DDHD1: variants seen among roughly 807,000 people sequenced by gnomAD.
The protein encoded by DDHD1 is DDHD domain containing 1.
In DDHD1, 49 loss-of-function variants were observed where a neutral mutation model predicts 96.4. The ratio of observed to expected loss-of-function variants is 0.51; its 90% CI spans 0.40 to 0.64. The LOEUF (loss-of-function observed/expected upper bound fraction) is 0.64, where lower values mean the gene tolerates loss of function less well. Among genes scored for constraint, DDHD1 ranks in the 30% least tolerant of loss-of-function variants. The pLI is 0.00. For missense variants in DDHD1, 1,106 were observed against 1,161.2 expected (o/e 0.95, Z 0.69); for synonymous variants, 442 against 446.5 (o/e 0.99, Z 0.13).
intron 1 of DDHD1, among the ~76,000 whole-genome samples, chr14:53,107,457 G>A (rs994085102): frequency 3.3e-5 from 5 of 152,068 alleles, no homozygotes; most frequent in East Asian, 1.9e-4. Flanking sequence ...AGGATGGCTG[G>A]AGACTTCATC....
chr14:53,144,547 CA>C (rs1434356255), intron 1 of DDHD1, among the ~76,000 whole-genome samples: 1 of 152,184 alleles, frequency 6.6e-6, no homozygotes, highest in Non-Finnish European at 1.5e-5. Flanking sequence ...TGATTTACAG[CA>C]AAGACTTTGT....
chr14:53,152,123 C>A (rs1247261972), intron 1 of DDHD1, 138 bp downstream of exon 1: 136 of 841,540 alleles, frequency 1.6e-4, no homozygotes, highest in Admixed American at 6.2e-4. Context: ...GCTCCCTGCT[C>A]AATCTCCATC....
At chr14:53,130,399 C>CA (rs1889779112) in intron 1 of DDHD1, among the ~76,000 whole-genome samples, 1 of 152,174 alleles carries the variant, frequency 6.6e-6, no homozygotes, top group Admixed American at 6.5e-5. Flanking sequence ...CATTTGTTAA[C>CA]AACCCTTAGA....
At position 53,093,531 on chromosome 14, in the gene DDHD1, AAT is replaced by A. The variant is rs563177119; in HGVS notation, c.1013-89_1013-88del. The A allele has an allele frequency of 4.2e-3, 6,390 of 1,519,576 alleles. 18 individuals are homozygous for A. Among genetic ancestry groups the A allele is most frequent in the Non-Finnish European group, 4.7e-3 (5,356 of 1,133,824 alleles). The allele number at this position is 1,519,576 out of a possible 1,614,324, so 94.1% of individuals were successfully genotyped here. On this transcript the variant is annotated intron_variant, in intron 2 of 12. Transcript: ENST00000673822. ...ATTATAACACTCAGATTTTAAAATC[AAT>A]ATGTTATCTAAAAAACTCAGATATG... is the stretch of plus-strand genomic sequence containing the variant.
At chr14:53,112,303 A>C (rs1415469865) in intron 1 of DDHD1, among the ~76,000 whole-genome samples, 2 of 152,006 alleles carry the variant, frequency 1.3e-5, no homozygotes, top group Middle Eastern at 3.2e-3. Flanking sequence ...TGTAGTCCCA[A>C]CTACTTGGGA....
At chr14:53,124,049 T>G (rs9671596) in intron 1 of DDHD1, among the ~76,000 whole-genome samples, 11,656 of 151,332 alleles carry the variant, frequency 0.077, 1,175 homozygotes, top group African/African-American at 0.23. Flanking sequence ...CTGGCCAACA[T>G]GGTGAAACCC....
At chr14:53,133,005 G>C (rs1426452348) in intron 1 of DDHD1, among the ~76,000 whole-genome samples, 1 of 152,168 alleles carries the variant, frequency 6.6e-6, no homozygotes, top group Non-Finnish European at 1.5e-5. Flanking sequence ...TCTCCTTCCA[G>C]ACTCACAGGC....
At chr14:53,105,536 TATAA>T (rs1164003677) in intron 1 of DDHD1, among the ~76,000 whole-genome samples, 1 of 152,206 alleles carries the variant, frequency 6.6e-6, no homozygotes, top group African/African-American at 2.4e-5. Flanking sequence ...CTTTAACCAT[TATAA>T]ATATACTCTG....
chr14:53,069,248 GA>G (rs1884309764), intron 6 of DDHD1, among the ~76,000 whole-genome samples: 1 of 152,152 alleles, frequency 6.6e-6, no homozygotes, highest in Admixed American at 6.5e-5. Flanking sequence ...AGCGCTAGAG[GA>G]AAAGATCTGG....
At chr14:53,075,656 A>C (rs941787941) in intron 4 of DDHD1, among the ~76,000 whole-genome samples, 12 of 152,202 alleles carry the variant, frequency 7.9e-5, no homozygotes, top group African/African-American at 2.9e-4. Flanking sequence ...TAGACAAAAA[A>C]GCCTTTGGAC....
chr14:53,075,140 C>T (rs975077975), intron 4 of DDHD1, among the ~76,000 whole-genome samples: 1 of 152,046 alleles, frequency 6.6e-6, no homozygotes, highest in African/African-American at 2.4e-5. Flanking sequence ...AAAGAAGAGT[C>T]GCTTATCTCT....
rs907736393 is a variant in DDHD1, at chr14:53,153,051, G to A, written c.48C>T (p.Gly16=). 3.4e-6 allele frequency: 5 copies of A among 1,492,392 alleles called. No individual in the cohort carries two copies. Among genetic ancestry groups the A allele is most frequent in the Non-Finnish European group, 4.4e-6 (5 of 1,128,066 alleles). 92.4% of individuals were successfully genotyped at this position (1,492,392 alleles called of 1,614,324 possible). The part of the protein sequence containing the change: ...RGSPRSPEHN[G]RGGGGGAWEL... ...CCCAGGCGCCGCCGCCGCCGCCTCGGCCGTTATGCTCGGGGCTCCGTGGGG... is the reference window on the plus strand; with the variant it reads ...CCCAGGCGCCGCCGCCGCCGCCTCGACCGTTATGCTCGGGGCTCCGTGGGG... Residue 16 remains glycine, a synonymous_variant, in exon 1 of 13, where the codon GGC becomes GGT. Coordinates refer to ENST00000673822, the MANE Select transcript of DDHD1 (RefSeq NM_001160148.2).
intron 4 of DDHD1, among the ~76,000 whole-genome samples, chr14:53,077,419 T>C (rs538817250): frequency 3.9e-5 from 6 of 152,328 alleles, no homozygotes; most frequent in African/African-American, 9.6e-5. Flanking sequence ...AGTTTCTGCA[T>C]GAACTGAGGC....
chr14:53,044,236 AAT>A lies in DDHD1; in HGVS notation c.*2530_*2531del, dbSNP rs1881859233. The A allele has an allele frequency of 6.6e-6, 1 of 152,212 alleles. No homozygotes were observed. Among genetic ancestry groups the A allele is most frequent in the African/African-American group, 2.4e-5 (1 of 41,438 alleles). 9.4% of individuals were successfully genotyped at this position (152,212 alleles called of 1,614,324 possible). On this transcript the variant is annotated 3_prime_UTR_variant, in exon 13 of 13. Transcript: ENST00000673822. The stretch of plus-strand genomic sequence containing the variant: ...ACAAAACATCCATCCAGTAGTCCAG[AAT>A]ATCTTATTTTTGAAAAGGTTTTGAA...
chr14:53,141,312 A>T (rs1200893897), intron 1 of DDHD1, among the ~76,000 whole-genome samples: 1 of 152,190 alleles, frequency 6.6e-6, no homozygotes, highest in East Asian at 1.9e-4. Context: ...CTGAACTGGT[A>T]ATTCTCAGAG....
At chr14:53,123,584 A>T (rs1051972490) in intron 1 of DDHD1, among the ~76,000 whole-genome samples, 1 of 152,250 alleles carries the variant, frequency 6.6e-6, no homozygotes, top group African/African-American at 2.4e-5. Context: ...AAAACAAATC[A>T]CTGGAACTAT....
chr14:53,138,318 T>C (rs1890384044), intron 1 of DDHD1, among the ~76,000 whole-genome samples: 2 of 152,124 alleles, frequency 1.3e-5, no homozygotes, highest in East Asian at 3.9e-4. Flanking sequence ...GGCAGGAGAA[T>C]TGCTTGAGCC....
intron 6 of DDHD1, among the ~76,000 whole-genome samples, chr14:53,070,024 T>C (rs374706339): frequency 1.2e-4 from 19 of 152,264 alleles, no homozygotes; most frequent in African/African-American, 4.6e-4. Context: ...TTTCCACATA[T>C]AAGAGCATTA....
intron 1 of DDHD1, among the ~76,000 whole-genome samples, chr14:53,135,786 C>G (rs796858959): frequency 6.6e-6 from 1 of 152,196 alleles, no homozygotes; most frequent in South Asian, 2.1e-4. Context: ...GATTTAATAT[C>G]TCACCTTAAA....
Sources: gnomAD v4.1 joint callset for allele counts (sites outside exome capture counted in the v4.1 genomes callset) on GRCh38, gnomAD v4.1.1 for gene constraint, MANE v1.5 for transcripts, NCBI Gene and HGNC (gene_info 2026-07-23, HGNC 2026-07-21) for gene names.